Variants in ZFHX3 observed in about 807,000 individuals in gnomAD.
ZFHX3 encodes zinc finger homeobox protein 3.
In ZFHX3, 42 loss-of-function variants were observed where a neutral mutation model predicts 279.1. The ratio of observed to expected loss-of-function variants is 0.15; its 90% confidence interval spans 0.12 to 0.19. ZFHX3 has a LOEUF of 0.19. ZFHX3 is among the 10% of genes least tolerant of loss of function. The pLI, the probability that ZFHX3 is intolerant of heterozygous loss-of-function variation, is 1.00. For synonymous variants in ZFHX3, 2,293 were observed against 1,957.8 expected, an observed-to-expected ratio of 1.17 and a Z score of -4.52; for missense variants, 4,981 against 4,754.0, an observed-to-expected ratio of 1.05 and a Z score of -1.40.
chr16:73,813,805 G>A (rs1384977267), intron 1 of ZFHX3: 1 of 152,238 alleles, frequency 6.6e-6, no homozygotes, highest in African/African-American at 2.4e-5. Context: ...CCTTCCCGGA[G>A]CGGAGACACA....
In ZFHX3 at chr16:73,546,662, GTGCTGCTGTTGCTGCTGCTGC is replaced by G. The variant is rs1355447431; in HGVS notation, c.-1546-90425_-1546-90405del. On this transcript the variant is annotated intron_variant, in intron 2 of 17. Transcript: ENST00000641206. The stretch of plus-strand genomic sequence containing the variant: ...GCCATGGTGTGAGAAAAAGCTTTGG[GTGCTGCTGTTGCTGCTGCTGC>G]TGCTGCTGCTGCTGCTGCTGCTGCT... Among the ~76,000 whole-genome samples the G allele has an allele frequency of 7.6e-5, 11 of 145,454 alleles. No homozygotes were observed. The East Asian group carries it at 1.0e-3, about 14-fold the overall frequency.
chr16:73,833,703 T>C (rs1225073287), intron 1 of ZFHX3, among the ~76,000 whole-genome samples: 2 of 151,782 alleles, frequency 1.3e-5, no homozygotes, highest in African/African-American at 4.8e-5. Flanking sequence ...TGTATACCTA[T>C]GTAACAAACC....
intron 4 of ZFHX3, among the ~76,000 whole-genome samples, chr16:73,304,870 T>C (rs1197467998): frequency 1.3e-5 from 2 of 152,126 alleles, no homozygotes; most frequent in East Asian, 1.9e-4. Flanking sequence ...GTAGCACTTC[T>C]ATGAACTCCT....
chr16:73,053,391 T>A (rs895665729), intron 1 of ZFHX3, among the ~76,000 whole-genome samples: 1 of 152,074 alleles, frequency 6.6e-6, no homozygotes, highest in African/African-American at 2.4e-5. Context: ...AAACACTTTC[T>A]TTTTTTCACA....
chr16:72,912,510 G>T (rs2039344053), intron 3 of ZFHX3, among the ~76,000 whole-genome samples: 1 of 152,122 alleles, frequency 6.6e-6, no homozygotes, highest in Non-Finnish European at 1.5e-5. Flanking sequence ...AAAGCTAAAA[G>T]GTTGGAAGCT....
In ZFHX3 at chr16:72,786,692, T is replaced by TC. The variant is rs2035391100; in HGVS notation, c.*471dup. 6.6e-6 allele frequency: 1 copy of TC among 152,492 alleles called. No individual in the cohort carries two copies. Among genetic ancestry groups the TC allele is most frequent in the African/African-American group, 2.4e-5 (1 of 41,428 alleles). 9.4% of individuals were successfully genotyped at this position (152,492 alleles called of 1,614,324 possible). On this transcript the variant is annotated 3_prime_UTR_variant, in exon 10 of 10. Coordinates refer to ENST00000268489, the MANE Select transcript of ZFHX3 (RefSeq NM_006885.4). ...TAAAAAGACATTACATTTCTTTTTT[T>TC]CTTTTAGCAAGCCATTGGTATCTGA...
chr16:73,667,255 G>T (rs961327982), intron 2 of ZFHX3, among the ~76,000 whole-genome samples: 1 of 152,170 alleles, frequency 6.6e-6, no homozygotes, highest in Admixed American at 6.5e-5. Flanking sequence ...CTCCCAAAGG[G>T]CTGTGATTAC....
Position 73,196,703 on chromosome 16 carries a change from C to A in ZFHX3, c.-1103-52872G>T, listed in dbSNP as rs572972429. On this transcript the variant is annotated intron_variant, in intron 5 of 17. Transcript: ENST00000641206. ...TATTTGAATGACTGGTCTGTCCACT[C>A]CTTATAATGACATCTAGCCCAAATA... is the stretch of plus-strand genomic sequence containing the variant. 7.9e-5 allele frequency among the ~76,000 whole-genome samples: 12 copies of A among 152,272 alleles called. 1 individual carries two copies. The South Asian group carries it at 2.5e-3, about 32-fold the overall frequency.
chr16:73,598,187 C>T (rs1597019257), intron 2 of ZFHX3, among the ~76,000 whole-genome samples: 1 of 152,156 alleles, frequency 6.6e-6, no homozygotes, highest in East Asian at 1.9e-4. Context: ...ACATATAAGA[C>T]TTCTCAGTAT....
chr16:73,140,172 T>C (rs112310926), intron 6 of ZFHX3, among the ~76,000 whole-genome samples: 5 of 150,508 alleles, frequency 3.3e-5, no homozygotes, highest in South Asian at 4.3e-4. Context: ...GGAGGCCGAG[T>C]TGGGAAGGAT....
intron 7 of ZFHX3, chr16:73,123,187 A>G (rs1966520790): frequency 7.1e-6 from 1 of 141,122 alleles, no homozygotes; most frequent in African/African-American, 2.6e-5. Flanking sequence ...TCCGGAAAGG[A>G]GTGTCCCATG....
chr16:73,151,283 A>T (rs781493042), intron 5 of ZFHX3, among the ~76,000 whole-genome samples: 87 of 152,308 alleles, frequency 5.7e-4, no homozygotes, highest in Non-Finnish European at 1.1e-3. Flanking sequence ...CAACACAAAA[A>T]GTGGTGAGGG....
At chr16:72,966,419 A>T (rs1178593742) in intron 1 of ZFHX3, among the ~76,000 whole-genome samples, 1 of 152,216 alleles carries the variant, frequency 6.6e-6, no homozygotes, top group Admixed American at 6.5e-5. Flanking sequence ...AACAACAATA[A>T]CAAAATATCT....
At chr16:73,737,288 T>A (rs1463630280) in intron 1 of ZFHX3, among the ~76,000 whole-genome samples, 1 of 152,146 alleles carries the variant, frequency 6.6e-6, no homozygotes, top group African/African-American at 2.4e-5. Context: ...CTTCCTGCTT[T>A]GGCCTCTCAA....
intron 3 of ZFHX3, among the ~76,000 whole-genome samples, chr16:72,947,001 G>A (rs190812700): frequency 6.6e-6 from 1 of 152,328 alleles, no homozygotes; most frequent in East Asian, 1.9e-4. Flanking sequence ...TGGAGCCTCT[G>A]GGCTTCTTGC....
intron 1 of ZFHX3, among the ~76,000 whole-genome samples, chr16:73,710,517 A>G (rs897374688): frequency 6.6e-6 from 1 of 152,244 alleles, no homozygotes; most frequent in East Asian, 1.9e-4. Flanking sequence ...AGTCGGGGAG[A>G]GGTTGCACCG....
intron 2 of ZFHX3, among the ~76,000 whole-genome samples, chr16:73,644,309 T>C (rs1217526907): frequency 6.6e-6 from 1 of 151,942 alleles, no homozygotes; most frequent in African/African-American, 2.4e-5. Context: ...TACTGTAAAC[T>C]TAAGACATCC....
intron 2 of ZFHX3, among the ~76,000 whole-genome samples, chr16:73,662,544 A>C (rs1309234112): frequency 6.6e-6 from 1 of 152,178 alleles, no homozygotes; most frequent in African/African-American, 2.4e-5. Flanking sequence ...TAGAACAATA[A>C]ATAAATAAAC....
At chr16:73,810,080 TAG>T (rs1241974749) in intron 1 of ZFHX3, among the ~76,000 whole-genome samples, 4 of 152,202 alleles carry the variant, frequency 2.6e-5, no homozygotes, top group African/African-American at 7.2e-5. Context: ...TCCTGCCTGT[TAG>T]AGTCTATATA....
Sources: gnomAD v4.1 joint callset for allele counts (sites outside exome capture counted in the v4.1 genomes callset) on GRCh38, gnomAD v4.1.1 for gene constraint, MANE v1.5 for transcripts, NCBI Gene and HGNC (gene_info 2026-07-23, HGNC 2026-07-21) for gene names.